Variants in FOXN3 observed in about 807,000 individuals in gnomAD.
FOXN3 encodes the protein forkhead box protein N3.
FOXN3 carries 7 observed loss-of-function variants against 38.4 expected under a neutral mutation model. The observed-to-expected ratio is 0.18, with a 90% CI of 0.10 to 0.34. The LOEUF is 0.34. Ranked by LOEUF, FOXN3 falls within the 10% of genes least tolerant of loss-of-function variation. The pLI is 1.00. For synonymous variants in FOXN3, 230 were observed against 242.2 expected (o/e 0.95, Z 0.47); for missense variants, 456 against 613.4 (o/e 0.74, Z 2.71).
rs138779858 is a variant in FOXN3 at position 89,315,815 on chromosome 14, T to G, written c.681-34801A>C. On this transcript the variant is annotated intron_variant, in intron 3 of 5. Coordinates refer to ENST00000557258, the MANE Select transcript of FOXN3 (RefSeq NM_005197.4). Reference sequence around the variant, plus strand: ...GTGGGACTGAGTGCCCATCAATCTGTGAGCCAGATGGCTTAAGCTTATGTG... The same window carrying G: ...GTGGGACTGAGTGCCCATCAATCTGGGAGCCAGATGGCTTAAGCTTATGTG... Among the ~76,000 whole-genome samples, 1,248 of 152,264 alleles carry G rather than the reference T, an allele frequency of 8.2e-3. 14 individuals are homozygous for G. Among genetic ancestry groups the G allele is most frequent in the African/African-American group, 0.029 (1,194 of 41,544 alleles).
rs1886719436 is a variant in FOXN3, at chr14:89,288,654, GTAATAGGCACTCTCTTTCTCT to G, written c.681-7661_681-7641del. ...ATGGAAACGACATACTCCAAAGGCT[GTAATAGGCACTCTCTTTCTCT>G]CTCTCTCTCTCTCTCTCTCTCTCTC... On this transcript the variant is annotated intron_variant, in intron 3 of 5. Coordinates refer to ENST00000557258, the MANE Select transcript of FOXN3 (RefSeq NM_005197.4). Among the ~76,000 whole-genome samples the G allele has an allele frequency of 2.4e-3, 166 of 68,200 alleles. 17 individuals carry two copies. Among genetic ancestry groups the G allele is most frequent in the South Asian group, 3.0e-3 (4 of 1,338 alleles). 44.7% of individuals were successfully genotyped at this position (68,200 alleles called of 152,430 possible). A position where few individuals can be genotyped will look rare whatever the true frequency, so the allele number is the denominator to read the frequency against.
In FOXN3 at chr14:89,215,109, TG is replaced by T. The variant is rs113330894; in HGVS notation, c.746-34304del. 8.5e-3 allele frequency among the ~76,000 whole-genome samples: 1,296 copies of T among 152,256 alleles called. 18 individuals carry two copies. The highest frequency in any genetic ancestry group is 0.029 in the African/African-American group (1,212 of 41,542). ...TACATAATTAAACTGCAGTCAGCAA[TG>T]GGCAGGGTCTTCTGTCTTTTAAAAT... On this transcript the variant is annotated intron_variant, in intron 4 of 5. Transcript: ENST00000557258.
intron 1 of FOXN3, among the ~76,000 whole-genome samples, chr14:89,594,265 A>G (rs1411223372): frequency 6.6e-6 from 1 of 152,216 alleles, no homozygotes; most frequent in Non-Finnish European, 1.5e-5. Context: ...GCATATGTTC[A>G]TCTTTTATTA....
intron 4 of FOXN3, chr14:89,263,535 G>A (rs1030245603): frequency 4.6e-5 from 7 of 152,066 alleles, no homozygotes; most frequent in Admixed American, 1.3e-4. Flanking sequence ...TTTGTGTTTC[G>A]CTCAGCTCTA....
intron 1 of FOXN3, among the ~76,000 whole-genome samples, chr14:89,605,553 A>G (rs1896255381): frequency 6.6e-6 from 1 of 152,176 alleles, no homozygotes; most frequent in East Asian, 1.9e-4. Flanking sequence ...ATTACAATAA[A>G]TATAAATGCA....
At chr14:89,206,761 C>A (rs1052555703) in intron 4 of FOXN3, among the ~76,000 whole-genome samples, 1 of 152,168 alleles carries the variant, frequency 6.6e-6, no homozygotes, top group Admixed American at 6.5e-5. Context: ...ACCGTAACTG[C>A]CATCATGCCT....
chr14:89,437,415 C>T (rs957729842), intron 1 of FOXN3, among the ~76,000 whole-genome samples: 11 of 152,128 alleles, frequency 7.2e-5, no homozygotes, highest in African/African-American at 2.7e-4. Flanking sequence ...ATATCTCAAC[C>T]TTACATCCCC....
intron 2 of FOXN3, among the ~76,000 whole-genome samples, chr14:89,386,592 A>T (rs1185891148): frequency 6.6e-6 from 1 of 152,260 alleles, no homozygotes; most frequent in Non-Finnish European, 1.5e-5. Context: ...ACAAGGGCTC[A>T]ATCAATGCCA....
At chr14:89,333,892 T>G (rs1191131662) in intron 3 of FOXN3, among the ~76,000 whole-genome samples, 2 of 150,360 alleles carry the variant, frequency 1.3e-5, no homozygotes, top group East Asian at 3.9e-4. Flanking sequence ...ATTGCAGCAT[T>G]ATTCACAATA....
intron 1 of FOXN3, among the ~76,000 whole-genome samples, chr14:89,433,974 G>T (rs1293887889): frequency 6.8e-6 from 1 of 147,262 alleles, no homozygotes; most frequent in Non-Finnish European, 1.5e-5. Context: ...GCCCAGGCTG[G>T]AGTGCAATGG....
intron 4 of FOXN3, among the ~76,000 whole-genome samples, chr14:89,256,407 G>A (rs1885622377): frequency 6.6e-6 from 1 of 152,182 alleles, no homozygotes; most frequent in Non-Finnish European, 1.5e-5. Context: ...AGATGTCTTT[G>A]AGGACCTACG....
At chr14:89,182,701 A>G (rs1235975063) in intron 4 of FOXN3, among the ~76,000 whole-genome samples, 1 of 152,212 alleles carries the variant, frequency 6.6e-6, no homozygotes, top group African/African-American at 2.4e-5. Context: ...ATATTACCTA[A>G]TTTATCTTAT....
chr14:89,314,183 A>T (rs1887657301), intron 3 of FOXN3, among the ~76,000 whole-genome samples: 1 of 152,232 alleles, frequency 6.6e-6, no homozygotes. Context: ...ACAACACAGA[A>T]GTAGGGATAC....
intron 2 of FOXN3, among the ~76,000 whole-genome samples, chr14:89,360,793 C>CCACCACCTCCAGCACCACCTCCAG (rs1566966516): frequency 2.1e-5 from 2 of 93,284 alleles, no homozygotes; most frequent in Non-Finnish European, 4.4e-5. Flanking sequence ...ACCTCCACCA[C>CCACCACCTCCAGCACCACCTCCAG]CACCACCTCC....
At chr14:89,533,460 C>G (rs142900310) in intron 1 of FOXN3, among the ~76,000 whole-genome samples, 3,683 of 152,124 alleles carry the variant, frequency 0.024, 132 homozygotes, top group African/African-American at 0.076. Flanking sequence ...TCAGGAGATC[C>G]AGACCATCCT....
chr14:89,415,604 C>CAAAAAAAAAAAAAAAAAAAAAAAAA (rs34026101), intron 1 of FOXN3, among the ~76,000 whole-genome samples: 1 of 54,272 alleles, frequency 1.8e-5, no homozygotes, highest in African/African-American at 5.6e-5. Flanking sequence ...CAACAATAAC[C>CAAAAAAAAAAAAAAAAAAAAAAAAA]AAAAAAAAAA....
At chr14:89,604,270 CACAG>C (rs1896223714) in intron 1 of FOXN3, among the ~76,000 whole-genome samples, 3 of 151,950 alleles carry the variant, frequency 2.0e-5, no homozygotes, top group Admixed American at 1.3e-4. Flanking sequence ...CGCGCACACA[CACAG>C]AGAGAGAGAG....
intron 4 of FOXN3, among the ~76,000 whole-genome samples, chr14:89,216,899 C>T (rs545590360): frequency 1.3e-5 from 2 of 152,302 alleles, no homozygotes; most frequent in South Asian, 4.1e-4. Flanking sequence ...ATTTTTATTA[C>T]CCTACAACCA....
intron 2 of FOXN3, among the ~76,000 whole-genome samples, chr14:89,389,882 A>C (rs1189811472): frequency 2.0e-5 from 3 of 152,096 alleles, no homozygotes; most frequent in African/African-American, 7.2e-5. Context: ...TACAACTACA[A>C]AATGTCATAA....
Sources: gnomAD v4.1 joint callset for allele counts (sites outside exome capture counted in the v4.1 genomes callset) on GRCh38, gnomAD v4.1.1 for gene constraint, MANE v1.5 for transcripts, NCBI Gene and HGNC (gene_info 2026-07-23, HGNC 2026-07-21) for gene names.